Variants in DCC observed in about 807,000 individuals in gnomAD.
DCC encodes DCC netrin 1 receptor, also known as netrin receptor DCC.
Under a neutral mutation model 172.5 loss-of-function variants are expected in DCC, and 58 were observed. The observed-to-expected ratio is 0.34, with a 90% CI of 0.27 to 0.42. The LOEUF (loss-of-function observed/expected upper bound fraction) is 0.42. Ranked by LOEUF, DCC falls within the 10% of genes least tolerant of loss-of-function variation. The pLI, the probability that DCC is intolerant of heterozygous loss-of-function variation, is 1.00. For missense variants in DCC, 1,740 were observed against 1,791.0 expected (o/e 0.97, Z 0.51); for synonymous variants, 709 against 644.5 (o/e 1.10, Z -1.52).
intron 1 of DCC, among the ~76,000 whole-genome samples, chr18:52,442,000 G>A (rs1987985909): frequency 6.6e-6 from 1 of 152,158 alleles, no homozygotes; most frequent in Admixed American, 6.5e-5. Context: ...GAAGTAGCTT[G>A]TGCCTGATAA....
At chr18:53,099,840 C>G (rs542051361) in intron 7 of DCC, among the ~76,000 whole-genome samples, 2 of 151,876 alleles carry the variant, frequency 1.3e-5, no homozygotes, top group South Asian at 4.2e-4. Context: ...AACATTGTTG[C>G]CTTGGAGTCT....
chr18:53,324,460 A>G (rs2057445442), intron 14 of DCC, among the ~76,000 whole-genome samples: 1 of 106,648 alleles, frequency 9.4e-6, no homozygotes, highest in Non-Finnish European at 1.8e-5. Context: ...AGGTGCTCTG[A>G]AGAAGCATGG....
rs549308291 is a variant in DCC, at chr18:52,566,834, G to A, written c.92-185220G>A. 1.6e-4 allele frequency among the ~76,000 whole-genome samples: 24 copies of A among 152,012 alleles called. No individual in the cohort carries two copies. In the South Asian group the frequency reaches 4.8e-3, roughly 30 times the overall value. Reference sequence around the variant, plus strand: ...GTTTATTTGGGCTTGCCATTAATACGCTGTAGAAATTTGGATTCAACCTAG... The same window carrying A: ...GTTTATTTGGGCTTGCCATTAATACACTGTAGAAATTTGGATTCAACCTAG... On this transcript the variant is annotated intron_variant, in intron 1 of 28. Transcript: ENST00000442544.
chr18:52,504,282 G>A (rs1461552231), intron 1 of DCC, among the ~76,000 whole-genome samples: 1 of 152,124 alleles, frequency 6.6e-6, no homozygotes, highest in African/African-American at 2.4e-5. Context: ...TCTACTTTTA[G>A]CATCATGGAG....
intron 1 of DCC, among the ~76,000 whole-genome samples, chr18:52,385,066 C>T (rs775690803): frequency 6.6e-6 from 1 of 151,978 alleles, no homozygotes; most frequent in Non-Finnish European, 1.5e-5. Context: ...GCTCAGATGC[C>T]TTCTAGGGTG....
At chr18:52,675,350 C>T (rs9955309) in intron 1 of DCC, among the ~76,000 whole-genome samples, 15,523 of 152,136 alleles carry the variant, frequency 0.1, 1,536 homozygotes, top group African/African-American at 0.25. Context: ...CCACCATGCC[C>T]GGCCTAATCC....
chr18:52,490,263 G>A (rs1246825537), intron 1 of DCC, among the ~76,000 whole-genome samples: 1 of 152,052 alleles, frequency 6.6e-6, no homozygotes, highest in Non-Finnish European at 1.5e-5. Context: ...CTGCAGTGAG[G>A]CAACAAATAA....
chr18:52,728,567 C>T (rs187141469), intron 1 of DCC, among the ~76,000 whole-genome samples: 45 of 152,298 alleles, frequency 3.0e-4, no homozygotes, highest in Admixed American at 2.4e-3. Context: ...ATCATTTCCT[C>T]AACTCTTTGT....
intron 2 of DCC, among the ~76,000 whole-genome samples, chr18:52,883,350 ATGTGTG>A (rs1172759213): frequency 1.2e-3 from 40 of 34,170 alleles, no homozygotes; most frequent in East Asian, 8.2e-3. Flanking sequence ...TTATTTATTT[ATGTGTG>A]TGTGTGTGTG....
In DCC at chr18:52,666,175, C is replaced by T. The variant is rs558550817; in HGVS notation, c.92-85879C>T. Among the ~76,000 whole-genome samples, 93 of 152,142 alleles carry T rather than the reference C, an allele frequency of 6.1e-4. 1 individual carries two copies. Among genetic ancestry groups the T allele is most frequent in the East Asian group, 7.8e-4 (4 of 5,154 alleles). On this transcript the variant is annotated intron_variant, in intron 1 of 28. Coordinates refer to ENST00000442544, the MANE Select transcript of DCC (RefSeq NM_005215.4). ...GGGTGTGGTGGTGTGCACCTGTAAT[C>T]GCAGCTACTCGGTGGAGCTGAGACA...
chr18:53,521,966 G>A (rs751547234), intron 27 of DCC, among the ~76,000 whole-genome samples: 2 of 152,144 alleles, frequency 1.3e-5, no homozygotes, highest in South Asian at 4.1e-4. Context: ...CAGCTTTTGT[G>A]ACTATTATAA....
intron 15 of DCC, among the ~76,000 whole-genome samples, chr18:53,363,515 C>T (rs1047204253): frequency 6.6e-6 from 1 of 152,058 alleles, no homozygotes; most frequent in African/African-American, 2.4e-5. Context: ...TGAATGTGCT[C>T]ATGTGGGAGC....
At chr18:52,378,913 TTC>T (rs1985467747) in intron 1 of DCC, among the ~76,000 whole-genome samples, 1 of 152,174 alleles carries the variant, frequency 6.6e-6, no homozygotes, top group South Asian at 2.1e-4. Flanking sequence ...AATAGACTCT[TTC>T]CCTCTTCAGA....
intron 1 of DCC, among the ~76,000 whole-genome samples, chr18:52,493,415 C>A (rs532933220): frequency 6.6e-6 from 1 of 152,024 alleles, no homozygotes; most frequent in African/African-American, 2.4e-5. Context: ...CAATTGAATT[C>A]TCTTTTCTAG....
intron 7 of DCC, among the ~76,000 whole-genome samples, chr18:53,140,296 T>C (rs2043811119): frequency 6.6e-6 from 1 of 152,258 alleles, no homozygotes; most frequent in Non-Finnish European, 1.5e-5. Flanking sequence ...AGCTTTTATC[T>C]GCATGGCTCA....
intron 15 of DCC, among the ~76,000 whole-genome samples, chr18:53,342,725 A>C (rs1433887815): frequency 7.3e-6 from 1 of 136,144 alleles, no homozygotes; most frequent in Non-Finnish European, 1.6e-5. Flanking sequence ...TATTAGAAAT[A>C]CCCAAATATA....
intron 26 of DCC, among the ~76,000 whole-genome samples, chr18:53,490,300 A>G (rs755350037): frequency 2.0e-5 from 3 of 152,160 alleles, no homozygotes; most frequent in Non-Finnish European, 4.4e-5. Flanking sequence ...TAATGAGTGA[A>G]TTGGGTTTCT....
At chr18:53,334,560 T>C (rs941896839) in intron 14 of DCC, among the ~76,000 whole-genome samples, 7 of 152,164 alleles carry the variant, frequency 4.6e-5, no homozygotes, top group Non-Finnish European at 7.3e-5. Flanking sequence ...TGAAGTGCTG[T>C]ACCCATTAAA....
chr18:52,392,002 C>T (rs1986047832), intron 1 of DCC, among the ~76,000 whole-genome samples: 1 of 152,120 alleles, frequency 6.6e-6, no homozygotes, highest in African/African-American at 2.4e-5. Context: ...TATTCGAGTC[C>T]ACAAATTCTT....
Sources: gnomAD v4.1 joint callset for allele counts (sites outside exome capture counted in the v4.1 genomes callset) on GRCh38, gnomAD v4.1.1 for gene constraint, MANE v1.5 for transcripts, NCBI Gene and HGNC (gene_info 2026-07-23, HGNC 2026-07-21) for gene names.